The following PDE3A variants were observed in gnomAD, a reference collection of about 807,000 sequenced individuals.
PDE3A encodes phosphodiesterase 3A, also known as cGMP-inhibited 3',5'-cyclic phosphodiesterase 3A.
A neutral mutation model predicts 98.3 loss-of-function variants in PDE3A; 43 were observed. The observed-to-expected ratio is 0.44, with a 90% CI of 0.34 to 0.56. The LOEUF (loss-of-function observed/expected upper bound fraction) is 0.56. PDE3A is among the 20% of genes least tolerant of loss of function. The probability of loss-of-function intolerance (pLI) is 0.01; values close to 1 mark genes in which losing one functional copy is unlikely to be tolerated. For synonymous variants in PDE3A, 663 were observed against 567.9 expected (o/e 1.17, Z -2.38); for missense variants, 1,427 against 1,440.7 (o/e 0.99, Z 0.15).
intron 15 of PDE3A, among the ~76,000 whole-genome samples, chr12:20,673,363 G>A (rs376521697): frequency 4.4e-4 from 64 of 146,930 alleles, no homozygotes; most frequent in South Asian, 9.1e-4. Context: ...TATACCCAAA[G>A]GACTATAAAT....
chr12:20,459,296 A>T (rs1945206560), intron 1 of PDE3A, among the ~76,000 whole-genome samples: 3 of 152,136 alleles, frequency 2.0e-5, no homozygotes, highest in Admixed American at 2.0e-4. Flanking sequence ...ACTTTTATTG[A>T]TATTTTAGAG....
intron 2 of PDE3A, among the ~76,000 whole-genome samples, chr12:20,612,156 G>C (rs532699123): frequency 4.0e-5 from 6 of 151,736 alleles, no homozygotes; most frequent in African/African-American, 1.4e-4. Context: ...AATGCTTGGT[G>C]TTATAAATCT....
rs914096786 is a variant in PDE3A at position 20,552,658 on chromosome 12, A to G, written c.961-4002A>G. On this transcript the variant is annotated intron_variant, in intron 1 of 15. Coordinates refer to ENST00000359062, the MANE Select transcript of PDE3A (RefSeq NM_000921.5). The surrounding 1 kb of genome is among the most constrained non-coding windows in gnomAD (Gnocchi z 5.1). ...AACCAAGGTGGAGCCCTACAGTCTCACGGCCCAGCAGAGCAGCCTCATCAG... is the reference window on the plus strand; with the variant it reads ...AACCAAGGTGGAGCCCTACAGTCTCGCGGCCCAGCAGAGCAGCCTCATCAG... The G allele has an allele frequency of 1.9e-6, 3 of 1,613,228 alleles. No individual in the cohort carries two copies. The African/African-American group carries it at 4.0e-5, about 22-fold the overall frequency.
At chr12:20,517,391 G>A (rs1246148251) in intron 1 of PDE3A, among the ~76,000 whole-genome samples, 4 of 152,130 alleles carry the variant, frequency 2.6e-5, no homozygotes. Context: ...GGAGAAAAGA[G>A]GATACTTTCC....
intron 9 of PDE3A, 111 bp downstream of exon 9, chr12:20,637,348 G>A: frequency 1.4e-6 from 1 of 696,714 alleles, no homozygotes; most frequent in Non-Finnish European, 2.3e-6. Context: ...GTGGAGAAAG[G>A]AAGTTTTAGA....
chr12:20,571,292 T>C (rs748613458), intron 2 of PDE3A, among the ~76,000 whole-genome samples: 1 of 152,168 alleles, frequency 6.6e-6, no homozygotes, highest in Non-Finnish European at 1.5e-5. Flanking sequence ...TACTGAGTAC[T>C]GTGTTGAAAG....
rs535233365 is a variant in PDE3A at position 20,445,093 on chromosome 12, C to T, written c.960+74849C>T. Among the ~76,000 whole-genome samples, 27 of 152,258 alleles carry T rather than the reference C, an allele frequency of 1.8e-4. No individual in the cohort carries two copies. The South Asian group carries it at 2.5e-3, about 14-fold the overall frequency. On this transcript the variant is annotated intron_variant, in intron 1 of 15. Coordinates refer to ENST00000359062, the MANE Select transcript of PDE3A (RefSeq NM_000921.5). ...AAGCAAGTGAAACTGGCAGTAATTG[C>T]ACAAGTAAACGGGTTGCAAAAGAGC...
In PDE3A at chr12:20,523,083, G is replaced by T. The variant is rs112833158; in HGVS notation, c.961-33577G>T. On this transcript the variant is annotated intron_variant, in intron 1 of 15. Coordinates refer to ENST00000359062, the MANE Select transcript of PDE3A (RefSeq NM_000921.5). Reference sequence around the variant, plus strand: ...TGGGCGGTGGGGTGGGTGGCATTAGGCTAAAGATAGTGAAAATTCTAATGA... The same window carrying T: ...TGGGCGGTGGGGTGGGTGGCATTAGTCTAAAGATAGTGAAAATTCTAATGA... 2.6e-3 allele frequency among the ~76,000 whole-genome samples: 397 copies of T among 152,214 alleles called. 6 individuals are homozygous for T. Among genetic ancestry groups the T allele is most frequent in the Middle Eastern group, 0.01 (3 of 294 alleles).
intron 1 of PDE3A, among the ~76,000 whole-genome samples, chr12:20,482,221 C>A (rs1945643124): frequency 6.9e-6 from 1 of 144,578 alleles, no homozygotes; most frequent in Admixed American, 7.0e-5. Context: ...GTATTCATTG[C>A]ACACATGTAT....
At chr12:20,587,658 C>T (rs1283759033) in intron 2 of PDE3A, among the ~76,000 whole-genome samples, 2 of 152,138 alleles carry the variant, frequency 1.3e-5, no homozygotes, top group Admixed American at 6.5e-5. Flanking sequence ...TATAAATGTA[C>T]ATCTAAGCTT....
At chr12:20,434,041 T>G (rs1944740553) in intron 1 of PDE3A, among the ~76,000 whole-genome samples, 1 of 152,198 alleles carries the variant, frequency 6.6e-6, no homozygotes, top group Admixed American at 6.5e-5. Context: ...GACTCAGTGT[T>G]TCTGATGCAG....
intron 1 of PDE3A, among the ~76,000 whole-genome samples, chr12:20,487,501 TAA>T (rs34671800): frequency 5.3e-3 from 331 of 61,974 alleles, no homozygotes; most frequent in South Asian, 0.036. Flanking sequence ...CTGTCTCTAC[TAA>T]AAAAAAAAAA....
In PDE3A at chr12:20,463,587, G is replaced by A. The variant is rs531355094; in HGVS notation, c.961-93073G>A. On this transcript the variant is annotated intron_variant, in intron 1 of 15. Transcript: ENST00000359062. ...AAGGTATTATTTTGCTTATATCATA[G>A]CAAACAATCTCTAGAGCTACAAGGA... 9.2e-5 allele frequency among the ~76,000 whole-genome samples: 14 copies of A among 152,148 alleles called. 1 individual carries two copies. The highest frequency in any genetic ancestry group is 3.4e-4 in the African/African-American group (14 of 41,508).
At chr12:20,661,157 G>A (rs1592157453) in intron 15 of PDE3A, among the ~76,000 whole-genome samples, 1 of 152,152 alleles carries the variant, frequency 6.6e-6, no homozygotes, top group African/African-American at 2.4e-5. Context: ...AAAGAGACTG[G>A]CAGCATTATC....
chr12:20,548,752 G>A (rs1942124219), intron 1 of PDE3A, among the ~76,000 whole-genome samples: 3 of 151,960 alleles, frequency 2.0e-5, no homozygotes, highest in Non-Finnish European at 4.4e-5. Context: ...TTTCCTCATT[G>A]TCTGTGGCCC....
intron 1 of PDE3A, among the ~76,000 whole-genome samples, chr12:20,375,499 T>C (rs1943554112): frequency 6.6e-6 from 1 of 151,928 alleles, no homozygotes; most frequent in South Asian, 2.1e-4. Context: ...TAGAGGAAGA[T>C]GTGTTGTATG....
At chr12:20,486,925 C>T (rs947373669) in intron 1 of PDE3A, among the ~76,000 whole-genome samples, 8 of 152,118 alleles carry the variant, frequency 5.3e-5, no homozygotes, top group African/African-American at 1.2e-4. Flanking sequence ...TGAGTCACCA[C>T]GCTTGGCTTA....
intron 1 of PDE3A, among the ~76,000 whole-genome samples, chr12:20,480,954 T>A (rs962548607): frequency 6.6e-6 from 1 of 152,172 alleles, no homozygotes; most frequent in African/African-American, 2.4e-5. Context: ...TGCTCTGGAG[T>A]CTTTCTGTTA....
chr12:20,589,081 CCCGG>C (rs1943260376), intron 2 of PDE3A, among the ~76,000 whole-genome samples: 1 of 151,872 alleles, frequency 6.6e-6, no homozygotes, highest in South Asian at 2.1e-4. Context: ...TGCCACCACG[CCCGG>C]ATAATTTTTA....
Sources: gnomAD v4.1 joint callset for allele counts (sites outside exome capture counted in the v4.1 genomes callset) on GRCh38, gnomAD v4.1.1 for gene constraint, Gnocchi (gnomAD v3.1) non-coding constraint, MANE v1.5 for transcripts, NCBI Gene and HGNC (gene_info 2026-07-23, HGNC 2026-07-21) for gene names.